The following FRMD4A variants were observed in gnomAD, a reference collection of about 807,000 sequenced individuals.
The protein encoded by FRMD4A is FERM domain-containing protein 4A.
In FRMD4A, 29 loss-of-function variants were observed where a neutral mutation model predicts 129.1. That is an observed-to-expected ratio of 0.22 (90% confidence interval 0.17 to 0.31). The LOEUF (loss-of-function observed/expected upper bound fraction) is 0.31, where lower values mean the gene tolerates loss of function less well. Ranked by LOEUF, FRMD4A falls within the 10% of genes least tolerant of loss-of-function variation. The probability of loss-of-function intolerance (pLI) is 1.00; values close to 1 mark genes in which losing one functional copy is unlikely to be tolerated. For missense variants in FRMD4A, 1,272 were observed against 1,375.8 expected, an observed-to-expected ratio of 0.92 and a Z score of 1.19; for synonymous variants, 634 against 571.6, an observed-to-expected ratio of 1.11 and a Z score of -1.56.
chr10:13,993,491 T>C (rs2095610906), intron 2 of FRMD4A, among the ~76,000 whole-genome samples: 1 of 152,228 alleles, frequency 6.6e-6, no homozygotes, highest in Admixed American at 6.5e-5. Context: ...TAGTTTTAAG[T>C]AGGACCACAC....
intron 2 of FRMD4A, among the ~76,000 whole-genome samples, chr10:14,169,691 C>G (rs1841375073): frequency 6.6e-6 from 1 of 152,112 alleles, no homozygotes; most frequent in Non-Finnish European, 1.5e-5. Flanking sequence ...GAAACTGTCT[C>G]ACACTTTCTT....
rs1268869501 is a variant in FRMD4A at position 14,013,359 on chromosome 10, T to C, written c.46-154447A>G. ...CTCTCCCACACGCCACTCAAGGAGT[T>C]AGGCCTCTAAGCAGGACATGCACAA... On this transcript the variant is annotated intron_variant, in intron 2 of 24. Coordinates refer to ENST00000357447, the MANE Select transcript of FRMD4A (RefSeq NM_018027.5). Among the ~76,000 whole-genome samples the C allele has an allele frequency of 3.3e-5, 5 of 152,152 alleles. No homozygotes were observed. In the East Asian group the frequency reaches 7.7e-4, roughly 24 times the overall value.
intron 3 of FRMD4A, among the ~76,000 whole-genome samples, chr10:13,830,225 C>T (rs2093768548): frequency 6.6e-6 from 1 of 152,222 alleles, no homozygotes; most frequent in Non-Finnish European, 1.5e-5. Context: ...AGGGCGCTGT[C>T]CCTCCTCGGC....
At chr10:13,926,300 C>T (rs542619233) in intron 2 of FRMD4A, among the ~76,000 whole-genome samples, 14 of 152,206 alleles carry the variant, frequency 9.2e-5, no homozygotes, top group South Asian at 6.2e-4. Flanking sequence ...TGCAGCCAGA[C>T]TGGTCCAGAT....
At chr10:13,729,096 G>A (rs1231711337) in intron 12 of FRMD4A, among the ~76,000 whole-genome samples, 1 of 58,982 alleles carries the variant, frequency 1.7e-5, no homozygotes, top group African/African-American at 4.9e-5. Flanking sequence ...TTCCGCCCCC[G>A]CCCGCCCCCG....
intron 15 of FRMD4A, among the ~76,000 whole-genome samples, chr10:13,682,133 A>T (rs1271511032): frequency 6.6e-6 from 1 of 152,028 alleles, no homozygotes; most frequent in Non-Finnish European, 1.5e-5. Flanking sequence ...CTGAGATGGG[A>T]GAATTCCTTC....
At chr10:14,076,013 A>G (rs1191765165) in intron 2 of FRMD4A, among the ~76,000 whole-genome samples, 4 of 152,186 alleles carry the variant, frequency 2.6e-5, no homozygotes, top group African/African-American at 9.7e-5. Context: ...TGGAACATTG[A>G]CCAGAAGAAC....
intron 2 of FRMD4A, among the ~76,000 whole-genome samples, chr10:13,909,947 A>T (rs765079945): frequency 2.6e-5 from 4 of 152,236 alleles, no homozygotes; most frequent in Non-Finnish European, 5.9e-5. Flanking sequence ...TATATAAAAA[A>T]GCACTGTAAT....
intron 2 of FRMD4A, among the ~76,000 whole-genome samples, chr10:14,004,766 C>G (rs1048738612): frequency 1.3e-5 from 2 of 152,128 alleles, no homozygotes; most frequent in Non-Finnish European, 2.9e-5. Flanking sequence ...GTCACTCTAT[C>G]AAGGCCATAT....
chr10:13,887,490 C>T (rs1400979239), intron 2 of FRMD4A, among the ~76,000 whole-genome samples: 1 of 152,006 alleles, frequency 6.6e-6, no homozygotes, highest in Non-Finnish European at 1.5e-5. Flanking sequence ...ACCATACTGG[C>T]CAACATGGTG....
chr10:14,054,688 T>A (rs908040785), intron 2 of FRMD4A, among the ~76,000 whole-genome samples: 6 of 152,096 alleles, frequency 3.9e-5, no homozygotes, highest in African/African-American at 1.4e-4. Context: ...CCAAGTGATA[T>A]GGTTTGGCTG....
chr10:14,087,274 TTAATA>T (rs1836341180), intron 2 of FRMD4A, among the ~76,000 whole-genome samples: 2 of 147,456 alleles, frequency 1.4e-5, no homozygotes, highest in African/African-American at 4.9e-5. Context: ...TATAAATTAA[TTAATA>T]TATGTGTTAT....
chr10:14,242,130 G>T (rs757475250), intron 2 of FRMD4A, among the ~76,000 whole-genome samples: 3 of 152,124 alleles, frequency 2.0e-5, no homozygotes, highest in Non-Finnish European at 4.4e-5. Context: ...CCTCAGACAT[G>T]TAGGAAAAAA....
At chr10:14,190,487 C>T (rs988981033) in intron 2 of FRMD4A, among the ~76,000 whole-genome samples, 7 of 152,230 alleles carry the variant, frequency 4.6e-5, no homozygotes, top group Middle Eastern at 3.4e-3. Context: ...TCCTGCCTCC[C>T]GAGTAGCTGA....
chr10:13,848,609 C>CGTGTGTGTGT (rs59271113), intron 3 of FRMD4A, among the ~76,000 whole-genome samples: 9,374 of 123,964 alleles, frequency 0.076, 350 homozygotes, highest in Middle Eastern at 0.094. Context: ...TGTGTGTGTA[C>CGTGTGTGTGT]GTGTGTGTGT....
chr10:14,212,233 G>T (rs907345118), intron 2 of FRMD4A, among the ~76,000 whole-genome samples: 1 of 152,180 alleles, frequency 6.6e-6, no homozygotes, highest in African/African-American at 2.4e-5. Context: ...GACTGCAGGA[G>T]CAGCATGGGA....
intron 6 of FRMD4A, among the ~76,000 whole-genome samples, chr10:13,764,480 T>G (rs1043162243): frequency 2.7e-5 from 4 of 150,616 alleles, no homozygotes; most frequent in Non-Finnish European, 5.9e-5. Flanking sequence ...CACTCCAGCC[T>G]GGTGACAGAG....
At chr10:14,204,841 G>C (rs1199543506) in intron 2 of FRMD4A, among the ~76,000 whole-genome samples, 2 of 152,064 alleles carry the variant, frequency 1.3e-5, no homozygotes, top group Non-Finnish European at 2.9e-5. Flanking sequence ...AGATAACCCA[G>C]CTGTGTGCAA....
chr10:14,050,107 T>C (rs1834189472), intron 2 of FRMD4A, among the ~76,000 whole-genome samples: 1 of 152,204 alleles, frequency 6.6e-6, no homozygotes, highest in Admixed American at 6.5e-5. Context: ...TTTCCATCTA[T>C]AAAATGGGGC....
Sources: allele counts gnomAD v4.1 joint callset (sites outside exome capture counted in the v4.1 genomes callset), GRCh38; gene constraint gnomAD v4.1.1; transcripts MANE v1.5; gene names NCBI Gene and HGNC (gene_info 2026-07-23, HGNC 2026-07-21).